AFDN: variants seen among roughly 807,000 people sequenced by gnomAD.
AFDN encodes afadin, adherens junction formation factor.
Under a neutral mutation model 216.6 loss-of-function variants are expected in AFDN, and 68 were observed. That is an observed-to-expected ratio of 0.31 (90% CI 0.26 to 0.38). The LOEUF (loss-of-function observed/expected upper bound fraction) is 0.38, where lower values mean the gene tolerates loss of function less well. AFDN is among the 10% of genes least tolerant of loss of function. The probability of loss-of-function intolerance (pLI) is 1.00; values close to 1 mark genes in which losing one functional copy is unlikely to be tolerated. For synonymous variants in AFDN, 868 were observed against 853.7 expected, an observed-to-expected ratio of 1.02 and a Z score of -0.29; for missense variants, 2,136 against 2,342.0, an observed-to-expected ratio of 0.91 and a Z score of 1.82.
chr6:167,934,860 A>G (rs1411728832), intron 23 of AFDN, among the ~76,000 whole-genome samples: 1 of 152,180 alleles, frequency 6.6e-6, no homozygotes, highest in Non-Finnish European at 1.5e-5. Context: ...CACTTCTATA[A>G]GCCCTCTTCT....
At chr6:167,885,481 A>G (rs934610419) in intron 6 of AFDN, among the ~76,000 whole-genome samples, 4 of 152,190 alleles carry the variant, frequency 2.6e-5, no homozygotes, top group Non-Finnish European at 4.4e-5. Flanking sequence ...TATGTCTCAT[A>G]GAATAGGGAG....
At chr6:167,868,813 A>G (rs1276083095) in intron 2 of AFDN, among the ~76,000 whole-genome samples, 1 of 135,150 alleles carries the variant, frequency 7.4e-6, no homozygotes, top group Non-Finnish European at 1.5e-5. Flanking sequence ...CCCAGAGTGG[A>G]GTGCAGTGGT....
At position 167,918,777 on chromosome 6, in the gene AFDN, G is replaced by A. The variant is rs1791427983; in HGVS notation, c.2752G>A (p.Asp918Asn). Reference protein sequence around the residue: ...NVVTVAENTADELARSDGREV... With the variant: ...NVVTVAENTANELARSDGREV... ...AGTGACTGTGGCTGAAAACACTGCC[G>A]ATGAGCTGGCCCGCAGTGATGGAAG... The change falls in exon 21 of 34, where the codon GAT becomes AAT. Residue 918 changes from aspartate (D) to asparagine (N), a missense_variant. Asp to Asn is a conservative substitution (Grantham distance 23). Coordinates refer to ENST00000683244, the MANE Select transcript of AFDN (RefSeq NM_001386888.1). The A allele has an allele frequency of 2.5e-6, 4 of 1,614,026 alleles. No individual in the cohort carries two copies. The highest frequency in any genetic ancestry group is 1.1e-5 in the South Asian group (1 of 91,026).
chr6:167,917,342 C>A, intron 20 of AFDN, 110 bp downstream of exon 20: 1 of 1,159,404 alleles, frequency 8.6e-7, no homozygotes, highest in South Asian at 2.2e-5. Context: ...TATTTATTCT[C>A]ATCTTACAAG....
intron 23 of AFDN, among the ~76,000 whole-genome samples, chr6:167,927,206 G>A (rs756940428): frequency 2.0e-5 from 3 of 152,090 alleles, no homozygotes; most frequent in Non-Finnish European, 4.4e-5. Context: ...CGGTTGTGGA[G>A]GGCATCTTGG....
At chr6:167,944,689 A>G (rs1234233251) in intron 26 of AFDN, among the ~76,000 whole-genome samples, 2 of 152,082 alleles carry the variant, frequency 1.3e-5, no homozygotes, top group South Asian at 2.1e-4. Context: ...TATTGCTCCT[A>G]GGCTGTAGAC....
At chr6:167,920,643 C>G (rs986466920) in intron 21 of AFDN, among the ~76,000 whole-genome samples, 1 of 152,206 alleles carries the variant, frequency 6.6e-6, no homozygotes, top group Non-Finnish European at 1.5e-5. Context: ...CTTCCTCTGT[C>G]ATGTGTGGGA....
At chr6:167,949,876 G>C (rs1014421850) in intron 29 of AFDN, among the ~76,000 whole-genome samples, 1 of 152,106 alleles carries the variant, frequency 6.6e-6, no homozygotes, top group Admixed American at 6.5e-5. Context: ...AATACCTAGA[G>C]GAGAGAGTTG....
chr6:167,960,120 G>A (rs909276470), intron 30 of AFDN, among the ~76,000 whole-genome samples: 12 of 152,086 alleles, frequency 7.9e-5, no homozygotes, highest in Admixed American at 2.0e-4. Flanking sequence ...AGAGATTCTC[G>A]TTTTTCTCAT....
intron 23 of AFDN, among the ~76,000 whole-genome samples, chr6:167,932,982 CTTCTTAT>C (rs1239588928): frequency 6.6e-6 from 1 of 152,154 alleles, no homozygotes; most frequent in Non-Finnish European, 1.5e-5. Context: ...CTTCTGTATG[CTTCTTAT>C]TTAAGAAAAC....
chr6:167,871,608 G>C (rs1784804039), intron 3 of AFDN, among the ~76,000 whole-genome samples: 1 of 152,100 alleles, frequency 6.6e-6, no homozygotes, highest in Admixed American at 6.5e-5. Flanking sequence ...TCTGTCATCT[G>C]CTAGCAGGCC....
intron 5 of AFDN, 93 bp from the exon 6 acceptor site, chr6:167,880,267 A>C: frequency 1.8e-6 from 2 of 1,126,396 alleles, no homozygotes; most frequent in Non-Finnish European, 2.6e-6. Flanking sequence ...GCTAGAATGC[A>C]GGTACCTTTT....
At chr6:167,837,386 T>C (rs1326962631) in intron 1 of AFDN, among the ~76,000 whole-genome samples, 1 of 143,440 alleles carries the variant, frequency 7.0e-6, no homozygotes, top group Admixed American at 6.9e-5. Context: ...TTTTCAGGCT[T>C]TTTTTTTTTT....
At chr6:167,875,521 T>C (rs1308994127) in intron 5 of AFDN, 26 bp downstream of exon 5, 2 of 1,609,324 alleles carry the variant, frequency 1.2e-6, no homozygotes, top group East Asian at 2.2e-5. Context: ...TTTTCTCTGT[T>C]CTACCTGTTA....
In AFDN at chr6:167,842,942, C is replaced by CA. The variant is rs914583960; in HGVS notation, c.105+15714dup. 2.9e-4 allele frequency among the ~76,000 whole-genome samples: 43 copies of CA among 149,838 alleles called. 1 individual carries two copies. The highest frequency in any genetic ancestry group is 9.8e-4 in the East Asian group (5 of 5,122). ...GCTACTATCTGTAAATAAAGGTCTA[C>CA]AAAAAAAAACTAAAACTATGTTTGA... On this transcript the variant is annotated intron_variant, in intron 1 of 33. Transcript: ENST00000683244.
intron 2 of AFDN, among the ~76,000 whole-genome samples, chr6:167,866,601 C>A (rs1367556842): frequency 6.6e-6 from 1 of 152,194 alleles, no homozygotes; most frequent in Non-Finnish European, 1.5e-5. Context: ...TTAATCACAG[C>A]TGCTGTCTGC....
At chr6:167,846,158 C>G (rs1222590942) in intron 1 of AFDN, among the ~76,000 whole-genome samples, 1 of 151,882 alleles carries the variant, frequency 6.6e-6, no homozygotes, top group Non-Finnish European at 1.5e-5. Flanking sequence ...AGCTTGGACC[C>G]CATTCCTTTT....
At chr6:167,963,848 GT>G in intron 31 of AFDN, 1 of 1,064,124 alleles carries the variant, frequency 9.4e-7, no homozygotes, top group Non-Finnish European at 1.1e-6. Flanking sequence ...ATGTCTAAGT[GT>G]TGGTGGTTTT....
rs548723910 is a variant in AFDN, at chr6:167,970,000, G to A, written c.*65G>A. On this transcript the variant is annotated 3_prime_UTR_variant, in exon 34 of 34. Transcript: ENST00000683244. ...TTTTCAGTTGTGGGTTTGTAGGTGC[G>A]AGTTTGAAGAGGAAAAGAGGAAGGG... 1.8e-4 allele frequency: 233 copies of A among 1,318,850 alleles called. 1 individual carries two copies. In the African/African-American group the frequency reaches 3.1e-3, roughly 18 times the overall value. The allele number at this position is 1,318,850 out of a possible 1,614,324, so 81.7% of individuals were successfully genotyped here. A position where few individuals can be genotyped will look rare whatever the true frequency, so the allele number is the denominator to read the frequency against.
Sources: allele counts gnomAD v4.1 joint callset (sites outside exome capture counted in the v4.1 genomes callset), GRCh38; gene constraint gnomAD v4.1.1; transcripts MANE v1.5; gene names NCBI Gene and HGNC (gene_info 2026-07-23, HGNC 2026-07-21).